Variants in TRMT2B observed in about 807,000 individuals in gnomAD.
TRMT2B encodes tRNA methyltransferase 2B, also known as tRNA (uracil-5-)-methyltransferase homolog B.
A neutral mutation model predicts 39.7 loss-of-function variants in TRMT2B; 34 were observed. The observed-to-expected ratio is 0.86, with a 90% CI of 0.65 to 1.14. TRMT2B has a LOEUF of 1.14. TRMT2B is among the 50% of genes most tolerant of loss of function. The pLI is 0.00. For synonymous variants in TRMT2B, 132 were observed against 137.3 expected, an observed-to-expected ratio of 0.96 and a Z score of 0.27; for missense variants, 318 against 377.2, an observed-to-expected ratio of 0.84 and a Z score of 1.30.
At chrX:101,014,174 C>T (rs781626790) in intron 13 of TRMT2B, among the ~76,000 whole-genome samples, 3 of 112,181 alleles carry the variant, frequency 2.7e-5, no homozygotes, top group South Asian at 3.7e-4. Context: ...TACACACGTA[C>T]GTGTGCACAC....
chrX:100,976,183 C>T, the TRMT2B span, among the ~76,000 whole-genome samples: 1 of 109,467 alleles, frequency 9.1e-6, no homozygotes, highest in Non-Finnish European at 1.9e-5. Context: ...AACTCAACCT[C>T]ATCCCTGGAT....
At chrX:100,975,951 A>G in the TRMT2B span, among the ~76,000 whole-genome samples, 4 of 111,305 alleles carry the variant, frequency 3.6e-5, no homozygotes, top group Non-Finnish European at 5.7e-5. Context: ...GCCATTTTCT[A>G]TAACAACTTC....
chrX:101,036,759 T>TA (rs1482038761), intron 6 of TRMT2B, among the ~76,000 whole-genome samples: 2 of 111,916 alleles, frequency 1.8e-5, no homozygotes, highest in Non-Finnish European at 3.8e-5. Flanking sequence ...ATATGGCTTT[T>TA]AGAGGAAGAA....
At position 101,051,298 on chromosome X, in the gene TRMT2B, A is replaced by G; in HGVS notation, c.-71T>C. The stretch of plus-strand genomic sequence containing the variant: ...TTTGGAGCAAAATGTTCACCCACCG[A>G]CAAGGGTCCTGCTTGCACTCTCTGC... On this transcript the variant is annotated 5_prime_UTR_variant, in exon 2 of 14. Transcript: ENST00000372936. The G allele has an allele frequency of 1.3e-6, 1 of 753,956 alleles. No individual in the cohort carries two copies. Among genetic ancestry groups the G allele is most frequent in the Non-Finnish European group, 1.6e-6 (1 of 639,337 alleles). The allele number at this position is 753,956 out of a possible 1,213,427, so 62.1% of individuals were successfully genotyped here. A position where few individuals can be genotyped will look rare whatever the true frequency, so the allele number is the denominator to read the frequency against.
chrX:101,043,748 G>A (rs1221447633), intron 2 of TRMT2B: 3 of 111,883 alleles, frequency 2.7e-5, no homozygotes, highest in African/African-American at 6.5e-5. Context: ...TGAATTAGAT[G>A]TTTGAAGGAC....
chrX:101,024,595 G>A (rs771092308), intron 7 of TRMT2B, among the ~76,000 whole-genome samples: 6 of 111,337 alleles, frequency 5.4e-5, no homozygotes, highest in South Asian at 3.8e-4. Flanking sequence ...AGGCCAAGGC[G>A]GGTGGATCAC....
Position 101,051,702 on chromosome X carries a change from C to T in TRMT2B, c.-475G>A. ...CCCGCCTGCCTCCTCCATTCCCCGCCCCGCGGACAGTTTGGCATAGTAGGG... is the reference window on the plus strand; with the variant it reads ...CCCGCCTGCCTCCTCCATTCCCCGCTCCGCGGACAGTTTGGCATAGTAGGG... On this transcript the variant is annotated 5_prime_UTR_variant, in exon 2 of 14. Coordinates refer to ENST00000372936, the MANE Select transcript of TRMT2B (RefSeq NM_024917.6). 2.6e-6 allele frequency: 2 copies of T among 755,024 alleles called. No homozygotes were observed. Among genetic ancestry groups the T allele is most frequent in the South Asian group, 1.3e-4 (2 of 14,900 alleles). The allele number at this position is 755,024 out of a possible 1,213,427, so 62.2% of individuals were successfully genotyped here. A position where few individuals can be genotyped will look rare whatever the true frequency, so the allele number is the denominator to read the frequency against.
At chrX:101,037,194 T>C (rs2087895093) in intron 5 of TRMT2B, 121 bp from the exon 6 acceptor site, 2 of 529,683 alleles carry the variant, frequency 3.8e-6, no homozygotes, top group Non-Finnish European at 6.4e-6. Context: ...TTGGAGGGTA[T>C]GGCATATGTG....
chrX:100,993,816 G>A, the TRMT2B span, among the ~76,000 whole-genome samples: 1 of 111,665 alleles, frequency 9.0e-6, no homozygotes, highest in African/African-American at 3.3e-5. Flanking sequence ...GCTACAGGCT[G>A]TTAATATACT....
intron 7 of TRMT2B, among the ~76,000 whole-genome samples, chrX:101,031,288 T>C (rs1227986688): frequency 2.7e-5 from 3 of 111,885 alleles, no homozygotes; most frequent in Non-Finnish European, 3.8e-5. Flanking sequence ...GGCCTCACTC[T>C]TAAATATGAA....
At chrX:101,015,940 G>C (rs1337403829) in intron 13 of TRMT2B, among the ~76,000 whole-genome samples, 1 of 110,401 alleles carries the variant, frequency 9.1e-6, no homozygotes, top group East Asian at 2.9e-4. Flanking sequence ...CGTGGTGGCA[G>C]GTGCCTGTAA....
chrX:100,994,820 T>C, the TRMT2B span, among the ~76,000 whole-genome samples: 3 of 111,308 alleles, frequency 2.7e-5, no homozygotes, highest in Non-Finnish European at 5.7e-5. Context: ...ACCCAGATTG[T>C]AGCGCAGTGC....
intron 6 of TRMT2B, 24 bp downstream of exon 6, chrX:101,036,950 T>C (rs1173906671): frequency 8.9e-7 from 1 of 1,121,548 alleles, no homozygotes; most frequent in Non-Finnish European, 1.2e-6. Context: ...CTTCAGTCTT[T>C]GGTTTATACA....
the TRMT2B span, among the ~76,000 whole-genome samples, chrX:100,977,369 CTTTTTTTTTTTTTTTT>C: frequency 1.8e-5 from 1 of 56,470 alleles, no homozygotes. Context: ...CTACTCTCTT[CTTTTTTTTTTTTTTTT>C]TTTTTTTTTT....
chrX:101,036,902 C>T, intron 6 of TRMT2B, 72 bp downstream of exon 6: 1 of 822,224 alleles, frequency 1.2e-6, no homozygotes. Context: ...ACCGTATTTT[C>T]CACTTCTACT....
chrX:100,987,253 T>C, the TRMT2B span: 1 of 582,444 alleles, frequency 1.7e-6, no homozygotes, highest in Non-Finnish European at 2.6e-6. Context: ...GCTGTGTGTC[T>C]CCTAGAAGTC....
rs1249239446 is a variant in TRMT2B, at chrX:101,024,622, C to T, written c.610-1006G>A. 9.0e-5 allele frequency among the ~76,000 whole-genome samples: 10 copies of T among 111,291 alleles called. 1 individual carries two copies. The highest frequency in any genetic ancestry group is 4.8e-4 in the Admixed American group (5 of 10,381). ...GTGGATCACTTTGAGGTCAGGAGTT[C>T]GAGACCAGCTGGGCCAACATGGCAA... On this transcript the variant is annotated intron_variant, in intron 7 of 13. Coordinates refer to ENST00000372936, the MANE Select transcript of TRMT2B (RefSeq NM_024917.6).
At chrX:101,046,350 T>C (rs1438787969) in intron 2 of TRMT2B, among the ~76,000 whole-genome samples, 3 of 110,550 alleles carry the variant, frequency 2.7e-5, no homozygotes, top group Admixed American at 2.0e-4. Flanking sequence ...CTGAGGAAGA[T>C]AGTATCACAT....
chrX:101,031,115 G>A lies in TRMT2B; in HGVS notation c.609+4498C>T, dbSNP rs528655449. Among the ~76,000 whole-genome samples the A allele has an allele frequency of 3.3e-4, 36 of 110,705 alleles. No homozygotes were observed. The South Asian group carries it at 0.012, about 38-fold the overall frequency. ...GCCCTGCAAGGAGCTGGGACTACAG[G>A]TGAGTGCCACCACCCCCATCTAAAT... On this transcript the variant is annotated intron_variant, in intron 7 of 13. Coordinates refer to ENST00000372936, the MANE Select transcript of TRMT2B (RefSeq NM_024917.6).
Sources: gnomAD v4.1 joint callset for allele counts (sites outside exome capture counted in the v4.1 genomes callset) on GRCh38, gnomAD v4.1.1 for gene constraint, MANE v1.5 for transcripts, NCBI Gene and HGNC (gene_info 2026-07-23, HGNC 2026-07-21) for gene names.